CSMD1: variants seen among roughly 807,000 people sequenced by gnomAD.
CSMD1 encodes CUB and Sushi multiple domains 1, also known as CUB and sushi domain-containing protein 1.
Under a neutral mutation model 417.5 loss-of-function variants are expected in CSMD1, and 213 were observed. The observed-to-expected ratio is 0.51, with a 90% confidence interval of 0.46 to 0.57. The LOEUF (loss-of-function observed/expected upper bound fraction) is 0.57. Ranked by LOEUF, CSMD1 falls within the 20% of genes least tolerant of loss-of-function variation. The pLI is 0.00. For synonymous variants in CSMD1, 2,862 were observed against 1,736.8 expected (o/e 1.65, Z -16.11); for missense variants, 6,923 against 4,529.7 (o/e 1.53, Z -15.17).
chr8:3,561,558 G>A (rs983868132), intron 10 of CSMD1, among the ~76,000 whole-genome samples: 2 of 152,112 alleles, frequency 1.3e-5, no homozygotes, highest in Non-Finnish European at 2.9e-5. Flanking sequence ...GATTATAAAT[G>A]GGAACCAAAC....
intron 3 of CSMD1, among the ~76,000 whole-genome samples, chr8:4,357,927 A>C (rs539158041): frequency 6.6e-6 from 1 of 152,160 alleles, no homozygotes; most frequent in Non-Finnish European, 1.5e-5. Context: ...GAATATACTT[A>C]ATTAAAAGCC....
chr8:4,550,899 G>A (rs574469020), intron 2 of CSMD1, among the ~76,000 whole-genome samples: 5 of 152,160 alleles, frequency 3.3e-5, no homozygotes, highest in Admixed American at 6.5e-5. Context: ...ACTAGAAAAC[G>A]GAGACCCAGG....
intron 3 of CSMD1, among the ~76,000 whole-genome samples, chr8:4,086,441 T>C (rs917034284): frequency 6.6e-6 from 1 of 152,198 alleles, no homozygotes; most frequent in Non-Finnish European, 1.5e-5. Context: ...CTTAAAATAC[T>C]ACTATTACTA....
At chr8:4,862,592 A>G (rs1376840700) in intron 1 of CSMD1, among the ~76,000 whole-genome samples, 3 of 152,094 alleles carry the variant, frequency 2.0e-5, no homozygotes, top group Non-Finnish European at 4.4e-5. Flanking sequence ...AACCATTAAA[A>G]TAAGATAAAA....
intron 55 of CSMD1, among the ~76,000 whole-genome samples, chr8:2,976,030 A>G (rs181669236): frequency 1.3e-5 from 2 of 152,240 alleles, no homozygotes; most frequent in South Asian, 4.1e-4. Flanking sequence ...TGTGAAAGCA[A>G]GGAAGATGAG....
chr8:3,889,917 A>G (rs570071353), intron 5 of CSMD1, among the ~76,000 whole-genome samples: 1 of 152,286 alleles, frequency 6.6e-6, no homozygotes, highest in South Asian at 2.1e-4. Flanking sequence ...GCATAATGCC[A>G]CATGCCCGTA....
intron 1 of CSMD1, among the ~76,000 whole-genome samples, chr8:4,853,586 G>A (rs1396696577): frequency 6.6e-6 from 1 of 152,240 alleles, no homozygotes; most frequent in Non-Finnish European, 1.5e-5. Context: ...GTCCCACACA[G>A]ATATTTGAAT....
chr8:3,663,737 T>C (rs1798540296), intron 7 of CSMD1, among the ~76,000 whole-genome samples: 1 of 152,198 alleles, frequency 6.6e-6, no homozygotes, highest in South Asian at 2.1e-4. Context: ...TGAGTTGTCC[T>C]GCCTTTCTGG....
At chr8:3,159,463 T>C (rs922931137) in intron 38 of CSMD1, among the ~76,000 whole-genome samples, 12 of 152,234 alleles carry the variant, frequency 7.9e-5, no homozygotes, top group South Asian at 2.1e-4. Context: ...TGTGATGTCA[T>C]GGCAGCCCCT....
intron 10 of CSMD1, among the ~76,000 whole-genome samples, chr8:3,520,433 A>C (rs1427187094): frequency 1.3e-5 from 2 of 152,232 alleles, no homozygotes; most frequent in African/African-American, 4.8e-5. Context: ...AGCATATCTT[A>C]AAAATAAAAC....
intron 1 of CSMD1, among the ~76,000 whole-genome samples, chr8:4,954,495 C>G (rs143708279): frequency 1.3e-5 from 2 of 152,124 alleles, no homozygotes; most frequent in Non-Finnish European, 2.9e-5. Context: ...CGTGGCACAA[C>G]AGAATAGATG....
chr8:2,966,525 A>G (rs896271832), intron 58 of CSMD1, 45 bp downstream of exon 58: 1 of 1,561,980 alleles, frequency 6.4e-7, no homozygotes. Context: ...AATGGAGTGA[A>G]TTTCATAGTA....
chr8:3,459,324 C>T (rs556383085), intron 12 of CSMD1, among the ~76,000 whole-genome samples: 14 of 152,202 alleles, frequency 9.2e-5, no homozygotes, highest in South Asian at 2.1e-4. Context: ...TGCTGGCTGA[C>T]GTGGGGCACA....
intron 49 of CSMD1, among the ~76,000 whole-genome samples, chr8:3,056,095 C>A (rs1038468166): frequency 1.3e-5 from 2 of 152,096 alleles, no homozygotes; most frequent in East Asian, 1.9e-4. Flanking sequence ...TATTTATTTG[C>A]AAATAAAAAT....
At chr8:3,147,401 A>T (rs542124043) in intron 40 of CSMD1, among the ~76,000 whole-genome samples, 75 of 152,292 alleles carry the variant, frequency 4.9e-4, no homozygotes, top group African/African-American at 1.6e-3. Context: ...TGCATTTCTC[A>T]TCTTATTTAG....
At chr8:3,998,813 T>C (rs1476128307) in intron 4 of CSMD1, among the ~76,000 whole-genome samples, 2 of 149,170 alleles carry the variant, frequency 1.3e-5, no homozygotes, top group South Asian at 2.1e-4. Flanking sequence ...AAAAAGCTTC[T>C]TTGTTACATT....
rs1814180023 is a variant in CSMD1, at chr8:3,984,724, T to C, written c.818+13179A>G. Among the ~76,000 whole-genome samples the C allele has an allele frequency of 6.2e-5, 4 of 64,334 alleles. No individual in the cohort carries two copies. In the South Asian group the frequency reaches 1.9e-3, roughly 30 times the overall value. 42.2% of individuals were successfully genotyped at this position (64,334 alleles called of 152,430 possible). A position where few individuals can be genotyped will look rare whatever the true frequency, so the allele number is the denominator to read the frequency against. On this transcript the variant is annotated intron_variant, in intron 5 of 69. Coordinates refer to ENST00000635120, the MANE Select transcript of CSMD1 (RefSeq NM_033225.6). Reference sequence around the variant, plus strand: ...TATATCATATATATATATATATATATATATATATATATATATATATATATA... The same window carrying C: ...TATATCATATATATATATATATATACATATATATATATATATATATATATA...
chr8:3,149,545 G>C (rs763654628), intron 40 of CSMD1, among the ~76,000 whole-genome samples: 1 of 152,052 alleles, frequency 6.6e-6, no homozygotes, highest in Non-Finnish European at 1.5e-5. Context: ...TGGCGTGATC[G>C]TGGCTCACTG....
At chr8:4,986,441 C>T (rs1016840880) in intron 1 of CSMD1, among the ~76,000 whole-genome samples, 8 of 152,168 alleles carry the variant, frequency 5.3e-5, no homozygotes, top group Non-Finnish European at 1.0e-4. Flanking sequence ...CATAGACATT[C>T]TTCAGTCATC....
Sources: allele counts gnomAD v4.1 joint callset (sites outside exome capture counted in the v4.1 genomes callset), GRCh38; gene constraint gnomAD v4.1.1; transcripts MANE v1.5; gene names NCBI Gene and HGNC (gene_info 2026-07-23, HGNC 2026-07-21).